The following ZC3H12B variants were observed in gnomAD, a reference collection of about 807,000 sequenced individuals.
ZC3H12B encodes zinc finger CCCH-type containing 12B, also known as probable ribonuclease ZC3H12B.
A neutral mutation model predicts 43.9 loss-of-function variants in ZC3H12B; 7 were observed. The observed-to-expected ratio is 0.16, with a 90% CI of 0.09 to 0.30. ZC3H12B has a LOEUF of 0.30. Among genes scored for constraint, ZC3H12B ranks in the 10% least tolerant of loss-of-function variants. ZC3H12B has a pLI of 1.00. For missense variants in ZC3H12B, 475 were observed against 670.2 expected, an observed-to-expected ratio of 0.71 and a Z score of 3.22; for synonymous variants, 222 against 241.7, an observed-to-expected ratio of 0.92 and a Z score of 0.76.
the ZC3H12B span, among the ~76,000 whole-genome samples, chrX:65,289,090 T>A: frequency 1.8e-5 from 2 of 110,949 alleles, no homozygotes; most frequent in Non-Finnish European, 3.8e-5. Context: ...AGAAACTGAA[T>A]ATGACATAAT....
At chrX:65,377,368 C>G (rs1235957663) in intron 2 of ZC3H12B, among the ~76,000 whole-genome samples, 1 of 110,037 alleles carries the variant, frequency 9.1e-6, no homozygotes, top group African/African-American at 3.3e-5. Context: ...AATAATAACA[C>G]AGAACTTACC....
the ZC3H12B span, chrX:65,271,321 T>G: frequency 8.9e-6 from 1 of 112,745 alleles, no homozygotes. Flanking sequence ...CTGACATGTC[T>G]TAACATATGG....
chrX:65,380,710 C>T (rs2066424614), intron 2 of ZC3H12B, among the ~76,000 whole-genome samples: 1 of 111,683 alleles, frequency 9.0e-6, no homozygotes, highest in East Asian at 2.8e-4. Flanking sequence ...ATTCAGGAAA[C>T]CCATCTCACG....
intron 3 of ZC3H12B, among the ~76,000 whole-genome samples, chrX:65,470,976 T>C (rs779470827): frequency 7.1e-5 from 8 of 111,988 alleles, no homozygotes; most frequent in South Asian, 7.5e-4. Context: ...GAATATTCCA[T>C]GTGCTGATGA....
the ZC3H12B span, among the ~76,000 whole-genome samples, chrX:65,137,572 G>A: frequency 9.0e-6 from 1 of 111,473 alleles, no homozygotes. Flanking sequence ...TATCACATCA[G>A]GAAAAATTAT....
the ZC3H12B span, among the ~76,000 whole-genome samples, chrX:65,099,134 A>G: frequency 8.9e-6 from 1 of 111,759 alleles, no homozygotes; most frequent in Non-Finnish European, 1.9e-5. Context: ...AGTGAGGCAA[A>G]GCGACTGTGG....
At chrX:65,056,291 C>G in the ZC3H12B span, among the ~76,000 whole-genome samples, 3 of 111,167 alleles carry the variant, frequency 2.7e-5, no homozygotes, top group African/African-American at 9.8e-5. Context: ...TATGTTGTGT[C>G]TTTGTTCTCG....
At chrX:65,080,664 T>G in the ZC3H12B span, among the ~76,000 whole-genome samples, 67 of 111,535 alleles carry the variant, frequency 6.0e-4, no homozygotes, top group African/African-American at 2.0e-3. Context: ...AACAAAGGCT[T>G]TGCCAGGCAA....
chrX:65,380,659 T>C (rs1010745378), intron 2 of ZC3H12B, among the ~76,000 whole-genome samples: 1 of 111,768 alleles, frequency 8.9e-6, no homozygotes, highest in Admixed American at 9.5e-5. Flanking sequence ...AGACACAGAC[T>C]GGCAAACTGG....
intron 3 of ZC3H12B, among the ~76,000 whole-genome samples, chrX:65,458,453 T>C (rs184392211): frequency 1.2e-4 from 13 of 111,673 alleles, no homozygotes; most frequent in South Asian, 3.7e-4. Context: ...GACCACATAG[T>C]TGGAAGTAAA....
chrX:65,438,778 C>G (rs1188278942), intron 3 of ZC3H12B, among the ~76,000 whole-genome samples: 3 of 113,494 alleles, frequency 2.6e-5, no homozygotes, highest in Non-Finnish European at 5.6e-5. Flanking sequence ...CGGTTTTCCG[C>G]CCTGGGCGGG....
At chrX:65,052,631 G>A in the ZC3H12B span, among the ~76,000 whole-genome samples, 1 of 111,100 alleles carries the variant, frequency 9.0e-6, no homozygotes, top group African/African-American at 3.3e-5. Flanking sequence ...TTGTGGTTGA[G>A]TAGTATTCCA....
At chrX:65,062,300 G>A in the ZC3H12B span, among the ~76,000 whole-genome samples, 6 of 112,021 alleles carry the variant, frequency 5.4e-5, no homozygotes, top group East Asian at 5.6e-4. Flanking sequence ...TAGGTCTTAC[G>A]TTTAAGTCTT....
intron 2 of ZC3H12B, among the ~76,000 whole-genome samples, chrX:65,394,910 G>A (rs1371947153): frequency 9.0e-6 from 1 of 111,331 alleles, no homozygotes; most frequent in African/African-American, 3.3e-5. Flanking sequence ...CCTTGAAGAG[G>A]TCCTTCAGGT....
chrX:65,073,620 G>A, the ZC3H12B span, among the ~76,000 whole-genome samples: 1 of 112,206 alleles, frequency 8.9e-6, no homozygotes, highest in South Asian at 3.7e-4. Flanking sequence ...ATCCATGGCT[G>A]CACTTCGCTA....
At chrX:65,166,325 C>G in the ZC3H12B span, among the ~76,000 whole-genome samples, 1 of 111,213 alleles carries the variant, frequency 9.0e-6, no homozygotes, top group African/African-American at 3.3e-5. Context: ...ATAGTTTCCT[C>G]AGAATGATGG....
At chrX:65,435,717 AG>A (rs1473360969) in intron 3 of ZC3H12B, among the ~76,000 whole-genome samples, 2 of 110,322 alleles carry the variant, frequency 1.8e-5, no homozygotes, top group Non-Finnish European at 3.8e-5. Flanking sequence ...CAGATAGATG[AG>A]AGGGGATTTA....
chrX:65,306,959 G>C, the ZC3H12B span, among the ~76,000 whole-genome samples: 1 of 112,268 alleles, frequency 8.9e-6, no homozygotes. Flanking sequence ...TGAAATTATA[G>C]AAAATGCAAA....
chrX:65,365,725 G>T (rs991769543), upstream of ZC3H12B, among the ~76,000 whole-genome samples: 1 of 111,156 alleles, frequency 9.0e-6, no homozygotes, highest in Non-Finnish European at 1.9e-5. Flanking sequence ...TATACATCCA[G>T]ATGGCCTGTT....
Sources: allele counts gnomAD v4.1 joint callset (sites outside exome capture counted in the v4.1 genomes callset), GRCh38; gene constraint gnomAD v4.1.1; transcripts MANE v1.5; gene names NCBI Gene and HGNC (gene_info 2026-07-23, HGNC 2026-07-21).